Variants in OCA2 observed in about 807,000 individuals in gnomAD.
OCA2 encodes OCA2 melanosomal transmembrane protein, also known as P protein.
A neutral mutation model predicts 100.2 loss-of-function variants in OCA2; 77 were observed. The ratio of observed to expected loss-of-function variants is 0.77; its 90% CI spans 0.64 to 0.93. OCA2 has a LOEUF of 0.93. Among genes scored for constraint, OCA2 ranks in the 40% least tolerant of loss-of-function variants. The pLI, the probability that OCA2 is intolerant of heterozygous loss-of-function variation, is 0.00. For missense variants in OCA2, 1,062 were observed against 1,089.1 expected (o/e 0.98, Z 0.35); for synonymous variants, 432 against 439.2 (o/e 0.98, Z 0.21).
At chr15:27,935,993 C>A (rs1048211861) in intron 18 of OCA2, among the ~76,000 whole-genome samples, 9 of 152,226 alleles carry the variant, frequency 5.9e-5, no homozygotes, top group Admixed American at 2.0e-4. Context: ...TCCTTCCAAA[C>A]AGGAAAACCC....
rs769550106 is a variant in OCA2 at position 27,986,604 on chromosome 15, C to A, written c.1222G>T (p.Asp408Tyr). ...VAIFSETGFFDYCAVKAYRLS... is the reference protein window; with the variant it reads ...VAIFSETGFFYYCAVKAYRLS... ...ATACCTACCTTTACAGCACAATAAT[C>A]GAAAAATCCCGTTTCTGAAAATATG... is the stretch of plus-strand genomic sequence containing the variant. Residue 408 changes from aspartate (D) to tyrosine (Y), a missense_variant, in exon 12 of 24, where the codon GAT becomes TAT. By Grantham distance (160) the Asp-to-Tyr change is radical (BLOSUM62 -3). Transcript: ENST00000354638. 2.5e-6 allele frequency: 4 copies of A among 1,589,662 alleles called. No individual in the cohort carries two copies. The highest frequency in any genetic ancestry group is 3.5e-6 in the Non-Finnish European group (4 of 1,157,470).
chr15:27,748,857 G>A, the OCA2 span, among the ~76,000 whole-genome samples: 1 of 152,162 alleles, frequency 6.6e-6, no homozygotes, highest in South Asian at 2.1e-4. Flanking sequence ...AATACTTGCT[G>A]AATGTGTTCA....
At chr15:28,058,563 C>T (rs1231200451) in intron 2 of OCA2, among the ~76,000 whole-genome samples, 1 of 152,198 alleles carries the variant, frequency 6.6e-6, no homozygotes. Context: ...GTCACCTCCT[C>T]ATCCCCCTGA....
intron 2 of OCA2, among the ~76,000 whole-genome samples, chr15:28,042,719 G>C (rs1390047136): frequency 6.6e-6 from 1 of 151,954 alleles, no homozygotes; most frequent in Non-Finnish European, 1.5e-5. Context: ...GAGGTAAAGT[G>C]AGTATTAATA....
At chr15:27,996,092 T>A (rs979969374) in intron 9 of OCA2, among the ~76,000 whole-genome samples, 1 of 152,120 alleles carries the variant, frequency 6.6e-6, no homozygotes, top group Non-Finnish European at 1.5e-5. Flanking sequence ...ATTACAGGTG[T>A]GAGCCACCAC....
intron 1 of OCA2, among the ~76,000 whole-genome samples, chr15:28,091,609 C>CA (rs2044871142): frequency 1.3e-5 from 2 of 152,212 alleles, no homozygotes; most frequent in East Asian, 1.9e-4. Context: ...TATGTCCACA[C>CA]AAAAATGTGT....
At chr15:27,731,319 CAGTG>C in the OCA2 span, among the ~76,000 whole-genome samples, 2 of 152,112 alleles carry the variant, frequency 1.3e-5, no homozygotes, top group Non-Finnish European at 2.9e-5. Flanking sequence ...TATTAGTTCT[CAGTG>C]AGAAAATTAC....
chr15:27,940,661 A>G (rs1377417790), intron 18 of OCA2, among the ~76,000 whole-genome samples: 1 of 152,230 alleles, frequency 6.6e-6, no homozygotes, highest in Non-Finnish European at 1.5e-5. Flanking sequence ...ACAAGAAAAT[A>G]TCAAATGGAT....
At chr15:27,923,619 T>C (rs1348590990) in intron 19 of OCA2, among the ~76,000 whole-genome samples, 3 of 152,246 alleles carry the variant, frequency 2.0e-5, no homozygotes, top group African/African-American at 7.2e-5. Flanking sequence ...TAGGTGATAT[T>C]GAGCTTTTAT....
At chr15:28,048,240 A>T (rs1347056182) in intron 2 of OCA2, among the ~76,000 whole-genome samples, 1 of 152,214 alleles carries the variant, frequency 6.6e-6, no homozygotes, top group Admixed American at 6.5e-5. Context: ...AAGAAATGTA[A>T]AAGCTGGTCA....
intron 23 of OCA2, among the ~76,000 whole-genome samples, chr15:27,844,320 G>A (rs951087097): frequency 2.6e-5 from 4 of 152,162 alleles, no homozygotes; most frequent in Non-Finnish European, 5.9e-5. Context: ...ACATTACGGG[G>A]TCTTTGCTAG....
At chr15:28,027,208 G>A (rs975662872) in intron 4 of OCA2, among the ~76,000 whole-genome samples, 3 of 152,130 alleles carry the variant, frequency 2.0e-5, no homozygotes, top group Admixed American at 1.3e-4. Context: ...ACGCATGCGC[G>A]CCCTAGGCCT....
downstream of OCA2, among the ~76,000 whole-genome samples, chr15:27,751,890 T>C (rs1030517931): frequency 2.0e-5 from 3 of 152,114 alleles, no homozygotes; most frequent in Non-Finnish European, 4.4e-5. Flanking sequence ...GAAAACAGAG[T>C]GACTACAGAA....
At chr15:27,738,733 G>A in the OCA2 span, among the ~76,000 whole-genome samples, 77,335 of 147,110 alleles carry the variant, frequency 0.53, 21,293 homozygotes, top group East Asian at 0.66. Flanking sequence ...AAAAAAAAAA[G>A]GCTCTACGCC....
At position 27,986,641 on chromosome 15, in the gene OCA2, C is replaced by A. The variant is rs1224081286; in HGVS notation, c.1185G>T (p.Met395Ile). ...FETLALLFGM[M>I]ILVAIFSETG... Reference sequence around the variant, plus strand: ...TTTCTGAAAATATGGCTACTAAGATCATCTATGGGGAAAAGAAGAAGACAA... The same window carrying A: ...TTTCTGAAAATATGGCTACTAAGATAATCTATGGGGAAAAGAAGAAGACAA... Residue 395 changes from methionine (M) to isoleucine (I), a missense_variant and splice_region_variant, in exon 12 of 24, where the codon ATG becomes ATT. Met to Ile is a conservative substitution (Grantham distance 10, BLOSUM62 1). Coordinates refer to ENST00000354638, the MANE Select transcript of OCA2 (RefSeq NM_000275.3). 2 of 1,574,628 alleles carry A rather than the reference C, an allele frequency of 1.3e-6. No individual in the cohort carries two copies. Among genetic ancestry groups the A allele is most frequent in the Admixed American group, 3.3e-5 (2 of 59,970 alleles).
At chr15:27,816,896 G>C (rs2034323908) in intron 23 of OCA2, among the ~76,000 whole-genome samples, 1 of 152,082 alleles carries the variant, frequency 6.6e-6, no homozygotes, top group Non-Finnish European at 1.5e-5. Context: ...CTGCCCTCCG[G>C]AGCCACCCAC....
intron 2 of OCA2, among the ~76,000 whole-genome samples, chr15:28,074,580 A>T (rs1008657797): frequency 5.3e-5 from 8 of 151,232 alleles, no homozygotes; most frequent in Non-Finnish European, 1.0e-4. Flanking sequence ...AGGCTGAGGC[A>T]GGAGAATGGC....
chr15:27,895,285 A>G (rs762649082), intron 19 of OCA2, among the ~76,000 whole-genome samples: 107 of 152,184 alleles, frequency 7.0e-4, no homozygotes, highest in Non-Finnish European at 1.2e-3. Flanking sequence ...AATACAGTAA[A>G]TTGGTACCAG....
At chr15:27,887,472 C>T (rs2037271558) in intron 19 of OCA2, among the ~76,000 whole-genome samples, 1 of 151,516 alleles carries the variant, frequency 6.6e-6, no homozygotes, top group South Asian at 2.1e-4. Context: ...CACCCCATCC[C>T]CTACAAAGAG....
Sources: allele counts gnomAD v4.1 joint callset (sites outside exome capture counted in the v4.1 genomes callset), GRCh38; gene constraint gnomAD v4.1.1; transcripts MANE v1.5; gene names NCBI Gene and HGNC (gene_info 2026-07-23, HGNC 2026-07-21).